The following SLC35F4 variants were observed in gnomAD, a reference collection of about 807,000 sequenced individuals.
SLC35F4 encodes the protein solute carrier family 35 member F4.
SLC35F4 carries 24 observed loss-of-function variants against 44.2 expected under a neutral mutation model. That is an observed-to-expected ratio of 0.54 (90% CI 0.39 to 0.76). The LOEUF (loss-of-function observed/expected upper bound fraction) is 0.76. Among genes scored for constraint, SLC35F4 ranks in the 30% least tolerant of loss-of-function variants. The pLI, the probability that SLC35F4 is intolerant of heterozygous loss-of-function variation, is 0.00. For synonymous variants in SLC35F4, 238 were observed against 223.6 expected (o/e 1.06, Z -0.57); for missense variants, 562 against 586.1 (o/e 0.96, Z 0.42).
chr14:57,775,023 T>C (rs1257051917), intron 1 of SLC35F4, among the ~76,000 whole-genome samples: 2 of 151,708 alleles, frequency 1.3e-5, no homozygotes, highest in Non-Finnish European at 2.9e-5. Context: ...CACTCCACCA[T>C]AGTGGCCACA....
intron 1 of SLC35F4, among the ~76,000 whole-genome samples, chr14:57,851,874 G>A (rs1886607001): frequency 6.6e-6 from 1 of 152,088 alleles, no homozygotes; most frequent in Admixed American, 6.5e-5. Context: ...AGGGGTTACG[G>A]GAACTCTCTG....
intron 1 of SLC35F4, among the ~76,000 whole-genome samples, chr14:57,813,834 A>G (rs1882253928): frequency 6.6e-6 from 1 of 152,148 alleles, no homozygotes; most frequent in African/African-American, 2.4e-5. Flanking sequence ...AGGCCACACC[A>G]CAGGAAGGGA....
At chr14:57,957,701 A>G (rs1227562653) in intron 1 of SLC35F4, among the ~76,000 whole-genome samples, 1 of 152,176 alleles carries the variant, frequency 6.6e-6, no homozygotes, top group African/African-American at 2.4e-5. Flanking sequence ...AGCAAAGGGT[A>G]GTGCAAGAAG....
chr14:57,713,863 G>A (rs2075870667), intron 1 of SLC35F4, among the ~76,000 whole-genome samples: 1 of 152,150 alleles, frequency 6.6e-6, no homozygotes, highest in South Asian at 2.1e-4. Context: ...ATCACAAAAT[G>A]TTGTCCAATC....
At chr14:57,605,839 C>T (rs2071131136) in intron 1 of SLC35F4, among the ~76,000 whole-genome samples, 1 of 152,098 alleles carries the variant, frequency 6.6e-6, no homozygotes, top group South Asian at 2.1e-4. Flanking sequence ...AAACCATTAT[C>T]CTAAGCGAAC....
chr14:57,757,121 A>G (rs1289483157), intron 1 of SLC35F4, among the ~76,000 whole-genome samples: 1 of 152,220 alleles, frequency 6.6e-6, no homozygotes, highest in Non-Finnish European at 1.5e-5. Flanking sequence ...TCTTGTTGAA[A>G]TTGATCCCAT....
chr14:57,947,331 T>TA (rs1890054610), intron 1 of SLC35F4, among the ~76,000 whole-genome samples: 1 of 152,002 alleles, frequency 6.6e-6, no homozygotes, highest in South Asian at 2.1e-4. Flanking sequence ...ATTCTCAGGT[T>TA]GGTCACTGTT....
intron 1 of SLC35F4, among the ~76,000 whole-genome samples, chr14:57,744,949 C>G (rs923792396): frequency 6.6e-6 from 1 of 151,766 alleles, no homozygotes; most frequent in East Asian, 1.9e-4. Context: ...CATCTACTAA[C>G]CATCTGATCT....
intron 1 of SLC35F4, among the ~76,000 whole-genome samples, chr14:57,600,891 GT>G (rs1326148612): frequency 6.6e-6 from 1 of 151,818 alleles, no homozygotes. Flanking sequence ...ATGGAATCTG[GT>G]TTAAGGGTTA....
At chr14:57,878,074 A>G (rs943801452) in intron 1 of SLC35F4, among the ~76,000 whole-genome samples, 2 of 151,854 alleles carry the variant, frequency 1.3e-5, no homozygotes, top group Non-Finnish European at 2.9e-5. Context: ...GATTAGTGAT[A>G]TTGAGCATTT....
intron 2 of SLC35F4, among the ~76,000 whole-genome samples, chr14:57,592,160 G>A (rs760100696): frequency 2.0e-5 from 3 of 152,112 alleles, no homozygotes; most frequent in East Asian, 1.9e-4. Flanking sequence ...CCATTTCTGC[G>A]TACCTTTATC....
chr14:57,943,387 A>C (rs28431238), intron 1 of SLC35F4, among the ~76,000 whole-genome samples: 150 of 152,286 alleles, frequency 9.8e-4, no homozygotes, highest in African/African-American at 3.5e-3. Context: ...CCCTGGTCTA[A>C]TTTCTATTAA....
At chr14:57,614,455 T>C (rs556465119) in intron 1 of SLC35F4, among the ~76,000 whole-genome samples, 2 of 152,342 alleles carry the variant, frequency 1.3e-5, no homozygotes, top group East Asian at 3.9e-4. Flanking sequence ...TCTTTCGTTA[T>C]CAACAATGAC....
At chr14:57,731,943 A>G (rs1046469076) in intron 1 of SLC35F4, among the ~76,000 whole-genome samples, 1 of 152,226 alleles carries the variant, frequency 6.6e-6, no homozygotes, top group African/African-American at 2.4e-5. Flanking sequence ...GGGGGTTAAT[A>G]TCATTGAACC....
intron 1 of SLC35F4, among the ~76,000 whole-genome samples, chr14:57,618,142 A>C (rs1405272914): frequency 6.6e-6 from 1 of 152,246 alleles, no homozygotes; most frequent in Admixed American, 6.5e-5. Flanking sequence ...TTAGTATATG[A>C]GTAAAACCAA....
intron 1 of SLC35F4, among the ~76,000 whole-genome samples, chr14:57,957,207 C>T (rs1890253255): frequency 6.6e-6 from 1 of 152,086 alleles, no homozygotes; most frequent in Non-Finnish European, 1.5e-5. Flanking sequence ...CCAAACACCA[C>T]ATGTTCTCAC....
intron 1 of SLC35F4, among the ~76,000 whole-genome samples, chr14:57,826,762 G>A (rs1883812410): frequency 6.6e-6 from 1 of 151,612 alleles, no homozygotes. Flanking sequence ...AAAAAAAGCT[G>A]AACATCACTA....
chr14:57,889,672 T>C (rs1444817863), intron 1 of SLC35F4, among the ~76,000 whole-genome samples: 1 of 152,212 alleles, frequency 6.6e-6, no homozygotes, highest in African/African-American at 2.4e-5. Flanking sequence ...ATAATATAGA[T>C]ATAGGAATAT....
chr14:57,861,626 C>A (rs1317443540), intron 1 of SLC35F4, among the ~76,000 whole-genome samples: 1 of 152,160 alleles, frequency 6.6e-6, no homozygotes, highest in African/African-American at 2.4e-5. Context: ...GTGCTCTTGT[C>A]AACATTCTTG....
Sources: gnomAD v4.1 joint callset for allele counts (sites outside exome capture counted in the v4.1 genomes callset) on GRCh38, gnomAD v4.1.1 for gene constraint, MANE v1.5 for transcripts, NCBI Gene and HGNC (gene_info 2026-07-23, HGNC 2026-07-21) for gene names.